The following ZBTB10 variants were observed in gnomAD, a reference collection of about 807,000 sequenced individuals.
ZBTB10 encodes the protein zinc finger and BTB domain containing 10.
A neutral mutation model predicts 76.4 loss-of-function variants in ZBTB10; 32 were observed. The observed-to-expected ratio is 0.42, with a 90% CI of 0.32 to 0.56. ZBTB10 has a LOEUF of 0.56. ZBTB10 is among the 20% of genes least tolerant of loss of function. The pLI is 0.14. For synonymous variants in ZBTB10, 523 were observed against 432.9 expected (o/e 1.21, Z -2.58); for missense variants, 1,057 against 1,098.5 (o/e 0.96, Z 0.53).
At chr8:80,493,207 G>GCACGCACACACA (rs1554551278) in intron 1 of ZBTB10, among the ~76,000 whole-genome samples, 2 of 125,244 alleles carry the variant, frequency 1.6e-5, no homozygotes, top group South Asian at 2.9e-4. Flanking sequence ...GCGCGCGCGC[G>GCACGCACACACA]CACACACACA....
intron 2 of ZBTB10, among the ~76,000 whole-genome samples, chr8:80,508,758 G>A (rs1816120192): frequency 1.3e-5 from 2 of 152,162 alleles, no homozygotes; most frequent in South Asian, 4.1e-4. Flanking sequence ...AAAAGGGGTA[G>A]TGTTGTGGGG....
intron 3 of ZBTB10, 131 bp downstream of exon 3, chr8:80,514,139 T>C: frequency 2.7e-6 from 2 of 753,180 alleles, no homozygotes; most frequent in Non-Finnish European, 4.3e-6. Flanking sequence ...CTATGGTAGC[T>C]ATGTTTATGA....
In ZBTB10 at chr8:80,487,649, C is replaced by T; in HGVS notation, c.839C>T (p.Ala280Val). The change falls in exon 1 of 6, where the codon GCA becomes GTA. Residue 280 changes from alanine to valine, a missense_variant. Physicochemically the swap from Ala to Val is moderately conservative, Grantham distance 64. Coordinates refer to ENST00000455036, the MANE Select transcript of ZBTB10 (RefSeq NM_001105539.3). ...TGCGGCTGGTGCCAAAAGACCCCTG[C>T]AGATGGGGGAAGCGTGGACCTTCCC... ...MSCGWCQKTP[A>V]DGGSVDLPPV... 1 of 1,613,926 alleles carries T rather than the reference C, an allele frequency of 6.2e-7. No homozygotes were observed. The highest frequency in any genetic ancestry group is 8.5e-7 in the Non-Finnish European group (1 of 1,179,882).
At chr8:80,511,798 T>C (rs1816201259) in intron 2 of ZBTB10, among the ~76,000 whole-genome samples, 1 of 152,184 alleles carries the variant, frequency 6.6e-6, no homozygotes, top group African/African-American at 2.4e-5. Context: ...CTAAACTTTG[T>C]TTAGTGATAT....
chr8:80,521,581 T>C lies in ZBTB10; in HGVS notation c.*2053T>C, dbSNP rs1023084007. 1 of 151,796 alleles carries C rather than the reference T, an allele frequency of 6.6e-6. No individual in the cohort carries two copies. The highest frequency in any genetic ancestry group is 2.4e-5 in the African/African-American group (1 of 41,420). The allele number at this position is 151,796 out of a possible 1,614,324, so 9.4% of individuals were successfully genotyped here. A position where few individuals can be genotyped will look rare whatever the true frequency, so the allele number is the denominator to read the frequency against. On this transcript the variant is annotated 3_prime_UTR_variant, in exon 6 of 6. Coordinates refer to ENST00000455036, the MANE Select transcript of ZBTB10 (RefSeq NM_001105539.3). ...ATCACCTAAATCTGCTTTATTAGACTACAGTTCACTTATTGCATAGAAACT... is the reference window on the plus strand; with the variant it reads ...ATCACCTAAATCTGCTTTATTAGACCACAGTTCACTTATTGCATAGAAACT...
In ZBTB10 at chr8:80,519,636, G is replaced by C; in HGVS notation, c.*108G>C. ...AAAATATGGTACATGCTGGATAGTA[G>C]TTATGTTGCTGTGAAAACTGTAGGG... is the stretch of plus-strand genomic sequence containing the variant. On this transcript the variant is annotated 3_prime_UTR_variant, in exon 6 of 6. Coordinates refer to ENST00000455036, the MANE Select transcript of ZBTB10 (RefSeq NM_001105539.3). 7.9e-7 allele frequency: 1 copy of C among 1,264,612 alleles called. No individual in the cohort carries two copies. Among genetic ancestry groups the C allele is most frequent in the Non-Finnish European group, 1.1e-6 (1 of 936,150 alleles). The allele number at this position is 1,264,612 out of a possible 1,614,324, so 78.3% of individuals were successfully genotyped here. A position where few individuals can be genotyped will look rare whatever the true frequency, so the allele number is the denominator to read the frequency against.
chr8:80,512,798 C>T (rs1816228236), intron 2 of ZBTB10, among the ~76,000 whole-genome samples: 1 of 152,118 alleles, frequency 6.6e-6, no homozygotes, highest in Non-Finnish European at 1.5e-5. Flanking sequence ...AGCTAAATTT[C>T]TCAAAAAGAT....
At position 80,499,601 on chromosome 8, in the gene ZBTB10, A is replaced by C; in HGVS notation, c.1080A>C (p.Lys360Asn). Reference sequence around the variant, plus strand: ...GACAACTAAATGAACAGAGAAAGAAAGGTATTCTTTGTGATGTCAGCATTG... The same window carrying C: ...GACAACTAAATGAACAGAGAAAGAACGGTATTCTTTGTGATGTCAGCATTG... ...LLRQLNEQRKKGILCDVSIVV... is the reference protein window; with the variant it reads ...LLRQLNEQRKNGILCDVSIVV... The change falls in exon 2 of 6, where the codon AAA becomes AAC. Residue 360 changes from lysine to asparagine, a missense_variant. Coordinates refer to ENST00000455036, the MANE Select transcript of ZBTB10 (RefSeq NM_001105539.3). 1 of 1,613,998 alleles carries C rather than the reference A, an allele frequency of 6.2e-7. No homozygotes were observed.
rs1383115197 is a variant in ZBTB10 at position 80,519,474 on chromosome 8, T to C, written c.2562T>C (p.Asn854=). The C allele has an allele frequency of 6.2e-7, 1 of 1,612,464 alleles. No homozygotes were observed. The highest frequency in any genetic ancestry group is 1.3e-5 in the African/African-American group (1 of 74,914). The change falls in exon 6 of 6, where the codon AAT becomes AAC. Residue 854 remains asparagine, a synonymous_variant. Coordinates refer to ENST00000455036, the MANE Select transcript of ZBTB10 (RefSeq NM_001105539.3). ...EELVDDGEDQ[N]DPSRWDESGE... ...TAGTTGATGATGGAGAAGATCAGAATGATCCCTCTCGATGGGATGAATCAG... is the reference window on the plus strand; with the variant it reads ...TAGTTGATGATGGAGAAGATCAGAACGATCCCTCTCGATGGGATGAATCAG...
intron 1 of ZBTB10, among the ~76,000 whole-genome samples, chr8:80,493,209 ACACACACAC>A (rs1815688370): frequency 1.4e-5 from 1 of 73,310 alleles, no homozygotes; most frequent in African/African-American, 5.3e-5. Flanking sequence ...GCGCGCGCGC[ACACACACAC>A]ACACACACAC....
intron 1 of ZBTB10, among the ~76,000 whole-genome samples, chr8:80,496,486 ATGTTCT>A (rs751008340): frequency 4.6e-5 from 7 of 151,884 alleles, no homozygotes; most frequent in East Asian, 1.9e-4. Flanking sequence ...AGGGACATTA[ATGTTCT>A]TGTTCTTGTA....
At chr8:80,510,121 A>G (rs1355653938) in intron 2 of ZBTB10, among the ~76,000 whole-genome samples, 1 of 152,236 alleles carries the variant, frequency 6.6e-6, no homozygotes, top group Non-Finnish European at 1.5e-5. Context: ...ATTTTGGAGA[A>G]TATATTGTTA....
chr8:80,487,156 G>C lies in ZBTB10; in HGVS notation c.346G>C (p.Ala116Pro), dbSNP rs757441360. 435 of 1,518,838 alleles carry C rather than the reference G, an allele frequency of 2.9e-4. No individual in the cohort carries two copies. The highest frequency in any genetic ancestry group is 3.7e-4 in the Non-Finnish European group (422 of 1,135,782). 94.1% of individuals were successfully genotyped at this position (1,518,838 alleles called of 1,614,324 possible). A position where few individuals can be genotyped will look rare whatever the true frequency, so the allele number is the denominator to read the frequency against. ...LGGGAGGPLLAERNRRTLAFR... is the reference protein window; with the variant it reads ...LGGGAGGPLLPERNRRTLAFR... ...CGGTGGCGCGGGGGGCCCCCTGCTAGCGGAAAGGAACCGTCGGACTCTGGC... is the reference window on the plus strand; with the variant it reads ...CGGTGGCGCGGGGGGCCCCCTGCTACCGGAAAGGAACCGTCGGACTCTGGC... The change falls in exon 1 of 6, where the codon GCG (alanine) becomes CCG (proline). Residue 116 changes from alanine to proline, a missense_variant. Physicochemically the swap from Ala to Pro is conservative, Grantham distance 27. Coordinates refer to ENST00000455036, the MANE Select transcript of ZBTB10 (RefSeq NM_001105539.3).
chr8:80,518,902 A>G lies in ZBTB10; in HGVS notation c.2258A>G (p.Asp753Gly). Residue 753 changes from aspartate (D) to glycine (G), a missense_variant, in exon 5 of 6, where the codon GAT becomes GGT. Around this residue, in one of 5 missense-constraint regions of ZBTB10, gnomAD observed 54 missense variants for 138.1 expected, o/e 0.39. Transcript: ENST00000455036. The stretch of plus-strand genomic sequence containing the variant: ...ACAGGAGTGAGATCATTTAGCTGTG[A>G]TATTTGTGGAAAACTGTTTACTCGA... The part of the protein sequence containing the change: ...IHTGVRSFSC[D>G]ICGKLFTRRE... The G allele has an allele frequency of 6.2e-7, 1 of 1,609,344 alleles. No homozygotes were observed. The highest frequency in any genetic ancestry group is 8.5e-7 in the Non-Finnish European group (1 of 1,177,472).
intron 1 of ZBTB10, among the ~76,000 whole-genome samples, chr8:80,488,832 T>C (rs1446422826): frequency 6.6e-6 from 1 of 152,156 alleles, no homozygotes; most frequent in East Asian, 1.9e-4. Flanking sequence ...TAAAGTTAGC[T>C]CTTAGTATTC....
chr8:80,485,968 G>A (rs916763446), upstream of ZBTB10: 490 of 1,344,704 alleles, frequency 3.6e-4, 1 homozygote, highest in Middle Eastern at 8.4e-4. Context: ...GGCCGCACAC[G>A]CCCGCCCCCT....
chr8:80,490,165 C>T (rs1298194668), intron 1 of ZBTB10, among the ~76,000 whole-genome samples: 1 of 152,200 alleles, frequency 6.6e-6, no homozygotes, highest in Non-Finnish European at 1.5e-5. Context: ...ACTTTTTAGG[C>T]AGGCAAATTA....
At chr8:80,513,864 G>A (rs1418018656) in intron 2 of ZBTB10, 46 bp from the exon 3 acceptor site, 1 of 1,492,552 alleles carries the variant, frequency 6.7e-7, no homozygotes, top group East Asian at 2.3e-5. Flanking sequence ...TTGGGTGGTG[G>A]CTATGGTGTG....
intron 1 of ZBTB10, among the ~76,000 whole-genome samples, chr8:80,490,833 A>G (rs967317720): frequency 2.0e-5 from 3 of 152,204 alleles, no homozygotes; most frequent in African/African-American, 7.2e-5. Context: ...CATGTACTGC[A>G]TGACGTTCTC....
Sources: allele counts gnomAD v4.1 joint callset (sites outside exome capture counted in the v4.1 genomes callset), GRCh38; gene constraint gnomAD v4.1.1; regional missense constraint gnomAD v4.1.1; transcripts MANE v1.5; gene names NCBI Gene and HGNC (gene_info 2026-07-23, HGNC 2026-07-21).